SOX6: variants seen among roughly 807,000 people sequenced by gnomAD.
The protein encoded by SOX6 is transcription factor SOX-6.
In SOX6, 11 loss-of-function variants were observed where a neutral mutation model predicts 97.8. That is an observed-to-expected ratio of 0.11 (90% CI 0.07 to 0.19). The LOEUF (loss-of-function observed/expected upper bound fraction) is 0.19. Ranked by LOEUF, SOX6 falls within the 10% of genes least tolerant of loss-of-function variation. SOX6 has a pLI of 1.00. For missense variants in SOX6, 810 were observed against 1,039.5 expected (o/e 0.78, Z 3.04); for synonymous variants, 360 against 371.4 (o/e 0.97, Z 0.35).
intron 3 of SOX6, among the ~76,000 whole-genome samples, chr11:16,279,649 T>C (rs1366947636): frequency 6.6e-6 from 1 of 152,032 alleles, no homozygotes; most frequent in Non-Finnish European, 1.5e-5. Context: ...ATTTTCAAAA[T>C]AACAGTATTT....
At chr11:15,976,715 ATCT>A (rs1853497142) in intron 15 of SOX6, among the ~76,000 whole-genome samples, 1 of 152,186 alleles carries the variant, frequency 6.6e-6, no homozygotes, top group South Asian at 2.1e-4. Flanking sequence ...AAATGTTGAC[ATCT>A]TCTAAGAAAT....
chr11:15,987,407 T>C (rs1313888555), intron 14 of SOX6, among the ~76,000 whole-genome samples: 1 of 152,254 alleles, frequency 6.6e-6, no homozygotes, highest in African/African-American at 2.4e-5. Context: ...TTCTCTGTGT[T>C]CTGCTGGTTT....
intron 13 of SOX6, among the ~76,000 whole-genome samples, chr11:16,004,759 T>C (rs1339796121): frequency 1.3e-5 from 2 of 152,104 alleles, no homozygotes; most frequent in Non-Finnish European, 2.9e-5. Flanking sequence ...TTTAGTCAGC[T>C]CATCTTGGAG....
rs143512467 is a variant in SOX6 at position 16,145,188 on chromosome 11, G to T, written c.778-33265C>A. Among the ~76,000 whole-genome samples, 5,299 of 152,198 alleles carry T rather than the reference G, an allele frequency of 0.035. 506 individuals carry two copies. In the East Asian group the frequency reaches 0.37, roughly 11 times the overall value. On this transcript the variant is annotated intron_variant, in intron 6 of 15. Coordinates refer to ENST00000683767, the MANE Select transcript of SOX6 (RefSeq NM_001367873.1). ...GGCTTCACCCCTGGGATGCAAGGCTGGTTCAACATGCGCAAATCAATAAAC... is the reference window on the plus strand; with the variant it reads ...GGCTTCACCCCTGGGATGCAAGGCTTGTTCAACATGCGCAAATCAATAAAC...
At chr11:16,318,683 A>C (rs1183028483) in intron 2 of SOX6, 30 bp from the exon 3 acceptor site, 1 of 1,593,640 alleles carries the variant, frequency 6.3e-7, no homozygotes, top group Non-Finnish European at 8.6e-7. Flanking sequence ...TAAAACCATT[A>C]GAATATACGT....
chr11:15,989,315 T>C, intron 13 of SOX6, 85 bp from the exon 14 acceptor site: 1 of 1,132,802 alleles, frequency 8.8e-7, no homozygotes, highest in Non-Finnish European at 1.2e-6. Context: ...CTGGGTCAGC[T>C]GTTTTCCCCA....
chr11:16,444,032 T>A (rs1257069471), intron 1 of SOX6, among the ~76,000 whole-genome samples: 9 of 125,374 alleles, frequency 7.2e-5, no homozygotes, highest in Non-Finnish European at 1.1e-4. Context: ...AAAAAAAAAA[T>A]TGCCCCGACC....
intron 4 of SOX6, among the ~76,000 whole-genome samples, chr11:16,567,013 G>C (rs1847879530): frequency 6.6e-6 from 1 of 152,246 alleles, no homozygotes; most frequent in South Asian, 2.1e-4. Context: ...AGTGCAGATG[G>C]GACATCCCTA....
intron 2 of SOX6, among the ~76,000 whole-genome samples, chr11:16,336,767 A>C (rs1039177675): frequency 6.6e-6 from 1 of 152,154 alleles, no homozygotes; most frequent in African/African-American, 2.4e-5. Flanking sequence ...ATTTCATTTC[A>C]TACCATTCTC....
intron 9 of SOX6, among the ~76,000 whole-genome samples, chr11:16,066,707 C>T (rs985576985): frequency 2.0e-5 from 3 of 151,996 alleles, no homozygotes; most frequent in African/African-American, 7.2e-5. Flanking sequence ...AACAATTGAG[C>T]TCATGGAGAT....
intron 6 of SOX6, among the ~76,000 whole-genome samples, chr11:16,175,933 C>T (rs961812103): frequency 1.3e-5 from 2 of 151,730 alleles, no homozygotes; most frequent in African/African-American, 2.4e-5. Context: ...TTGTTTAAAC[C>T]ATGGTCCATT....
chr11:16,724,756 C>T (rs1848293741), intron 2 of SOX6, among the ~76,000 whole-genome samples: 2 of 152,276 alleles, frequency 1.3e-5, no homozygotes, highest in African/African-American at 4.8e-5. Context: ...CATTAGTATA[C>T]TTGGTGTTTT....
intron 12 of SOX6, among the ~76,000 whole-genome samples, chr11:16,017,238 T>C (rs544633186): frequency 4.6e-5 from 7 of 152,188 alleles, no homozygotes; most frequent in Non-Finnish European, 8.8e-5. Flanking sequence ...CACAGTGTCT[T>C]TGAAGTCATA....
At chr11:16,475,237 T>C (rs1860219886) in intron 1 of SOX6, among the ~76,000 whole-genome samples, 1 of 152,210 alleles carries the variant, frequency 6.6e-6, no homozygotes, top group Admixed American at 6.5e-5. Flanking sequence ...CATTCATAAT[T>C]AACTGGAGTA....
At chr11:16,286,682 T>C (rs1590093315) in intron 3 of SOX6, among the ~76,000 whole-genome samples, 1 of 152,130 alleles carries the variant, frequency 6.6e-6, no homozygotes. Flanking sequence ...CTCTTCTATT[T>C]CAGTGCCCTT....
At chr11:16,020,012 T>C (rs9645648) in intron 12 of SOX6, among the ~76,000 whole-genome samples, 49,182 of 152,028 alleles carry the variant, frequency 0.32, 9,088 homozygotes, top group Non-Finnish European at 0.41. Context: ...TTTATGAAAG[T>C]TTGATTTCCA....
chr11:15,981,746 T>A, intron 15 of SOX6, among the ~76,000 whole-genome samples: 1 of 152,070 alleles, frequency 6.6e-6, no homozygotes, highest in African/African-American at 2.4e-5. Flanking sequence ...AAAATGCAAA[T>A]GTTCAAATCA....
At chr11:15,990,795 T>C (rs572122751) in intron 13 of SOX6, among the ~76,000 whole-genome samples, 1 of 152,270 alleles carries the variant, frequency 6.6e-6, no homozygotes, top group Admixed American at 6.5e-5. Context: ...AAAATATACA[T>C]TAAAACCAAC....
intron 7 of SOX6, among the ~76,000 whole-genome samples, chr11:16,107,079 G>A (rs1849105975): frequency 6.6e-6 from 1 of 151,912 alleles, no homozygotes; most frequent in Non-Finnish European, 1.5e-5. Flanking sequence ...AAAAAATTTA[G>A]TTGAAAATAA....
Sources: allele counts gnomAD v4.1 joint callset (sites outside exome capture counted in the v4.1 genomes callset), GRCh38; gene constraint gnomAD v4.1.1; transcripts MANE v1.5; gene names NCBI Gene and HGNC (gene_info 2026-07-23, HGNC 2026-07-21).